The following PLXNA1 variants were observed in gnomAD, a reference collection of about 807,000 sequenced individuals.
PLXNA1 encodes the protein plexin-A1.
PLXNA1 carries 77 observed loss-of-function variants against 191.7 expected under a neutral mutation model. That is an observed-to-expected ratio of 0.40 (90% CI 0.33 to 0.49). PLXNA1 has a LOEUF of 0.49. Among genes scored for constraint, PLXNA1 ranks in the 20% least tolerant of loss-of-function variants. The pLI, the probability that PLXNA1 is intolerant of heterozygous loss-of-function variation, is 0.63. For missense variants in PLXNA1, 2,110 were observed against 2,660.2 expected (o/e 0.79, Z 4.55); for synonymous variants, 1,137 against 1,156.4 (o/e 0.98, Z 0.34).
chr3:127,008,190 G>T (rs954420016), intron 9 of PLXNA1, among the ~76,000 whole-genome samples: 2 of 152,202 alleles, frequency 1.3e-5, no homozygotes, highest in Non-Finnish European at 2.9e-5. Flanking sequence ...AGGGGGAAAA[G>T]CCTCAGATGA....
At chr3:126,995,122 G>T (rs6763091) in intron 3 of PLXNA1, among the ~76,000 whole-genome samples, 21,660 of 152,244 alleles carry the variant, frequency 0.14, 1,832 homozygotes, top group African/African-American at 0.22. Flanking sequence ...CAAACTGTTG[G>T]GGTGTGAAAT....
At chr3:127,024,266 C>G (rs2079166698) in intron 23 of PLXNA1, among the ~76,000 whole-genome samples, 1 of 152,190 alleles carries the variant, frequency 6.6e-6, no homozygotes, top group Admixed American at 6.5e-5. Flanking sequence ...TGTGGATTCT[C>G]TTTCATGCCA....
intron 8 of PLXNA1, among the ~76,000 whole-genome samples, chr3:127,007,576 G>A (rs890957142): frequency 1.3e-5 from 2 of 152,170 alleles, no homozygotes; most frequent in African/African-American, 4.8e-5. Flanking sequence ...AGGCAAGAAG[G>A]TGGGGAGGCA....
At chr3:127,030,618 C>T (rs2079204607) in intron 29 of PLXNA1, among the ~76,000 whole-genome samples, 1 of 152,244 alleles carries the variant, frequency 6.6e-6, no homozygotes, top group African/African-American at 2.4e-5. Flanking sequence ...GCCCTCTGCT[C>T]CAGCCGCTGA....
chr3:126,999,371 G>T (rs1176349641), intron 3 of PLXNA1, among the ~76,000 whole-genome samples: 1 of 152,188 alleles, frequency 6.6e-6, no homozygotes, highest in Non-Finnish European at 1.5e-5. Context: ...CAGCCCTGGG[G>T]CCCGGAGGCA....
chr3:126,995,054 G>C (rs1249206172), intron 3 of PLXNA1, among the ~76,000 whole-genome samples: 1 of 152,138 alleles, frequency 6.6e-6, no homozygotes, highest in African/African-American at 2.4e-5. Context: ...TCTTTTCCGG[G>C]CTTTAAAAAG....
rs939047308 is a variant in PLXNA1 at position 127,022,414 on chromosome 3, G to T, written c.4295+73G>T. 12 of 1,543,960 alleles carry T rather than the reference G, an allele frequency of 7.8e-6. No homozygotes were observed. In the African/African-American group the frequency reaches 1.6e-4, roughly 21 times the overall value. ...AGCTTTGGACAGGTTGGTCTAGCAGGCCCAGAGACGTTGCTGTGGCAGTTC... is the reference window on the plus strand; with the variant it reads ...AGCTTTGGACAGGTTGGTCTAGCAGTCCCAGAGACGTTGCTGTGGCAGTTC... On this transcript the variant is annotated intron_variant, in intron 22 of 31. Coordinates refer to ENST00000393409, the MANE Select transcript of PLXNA1 (RefSeq NM_032242.4).
intron 9 of PLXNA1, among the ~76,000 whole-genome samples, chr3:127,010,173 G>A (rs1266676882): frequency 6.6e-6 from 1 of 152,230 alleles, no homozygotes; most frequent in East Asian, 1.9e-4. Flanking sequence ...TGGGGAGAAG[G>A]TTGTAATCGG....
chr3:127,001,768 T>G (rs2079041940), intron 3 of PLXNA1, among the ~76,000 whole-genome samples: 1 of 152,186 alleles, frequency 6.6e-6, no homozygotes, highest in South Asian at 2.1e-4. Flanking sequence ...GTCCCCCTGC[T>G]CCCGCCTGGC....
At position 127,028,053 on chromosome 3, in the gene PLXNA1, G is replaced by A; in HGVS notation, c.4476G>A (p.Lys1492=). ...GEARYSLSED[K]LIRQQIDYKT... Reference sequence around the variant, plus strand: ...CACGCTACTCCCTGAGTGAGGACAAGCTCATCCGGCAGCAGATTGACTACA... The same window carrying A: ...CACGCTACTCCCTGAGTGAGGACAAACTCATCCGGCAGCAGATTGACTACA... The change falls in exon 24 of 32, where the codon AAG becomes AAA. Residue 1492 remains lysine, a synonymous_variant. Coordinates refer to ENST00000393409, the MANE Select transcript of PLXNA1 (RefSeq NM_032242.4). The A allele has an allele frequency of 1.9e-6, 3 of 1,614,056 alleles. No homozygotes were observed. Among genetic ancestry groups the A allele is most frequent in the Non-Finnish European group, 2.5e-6 (3 of 1,180,008 alleles).
chr3:127,013,896 A>G lies in PLXNA1; in HGVS notation c.2314-124A>G, dbSNP rs1576681600. 5 of 802,750 alleles carry G rather than the reference A, an allele frequency of 6.2e-6. No homozygotes were observed. The East Asian group carries it at 1.2e-4, about 20-fold the overall frequency. 49.7% of individuals were successfully genotyped at this position (802,750 alleles called of 1,614,324 possible). A position where few individuals can be genotyped will look rare whatever the true frequency, so the allele number is the denominator to read the frequency against. ...AGTCCTGTGTAGGATGAGGGTGGAG[A>G]GGGAGCGGTTGTGGCTGCAGAAACT... On this transcript the variant is annotated intron_variant, in intron 10 of 31. Transcript: ENST00000393409.
intron 10 of PLXNA1, 105 bp from the exon 11 acceptor site, chr3:127,013,915 A>G: frequency 4.0e-6 from 4 of 988,576 alleles, no homozygotes; most frequent in Non-Finnish European, 3.3e-6. Flanking sequence ...TTGTGGCTGC[A>G]GAAACTTCCC....
chr3:126,998,022 G>A (rs1298104346), intron 3 of PLXNA1, among the ~76,000 whole-genome samples: 1 of 152,206 alleles, frequency 6.6e-6, no homozygotes, highest in Non-Finnish European at 1.5e-5. Flanking sequence ...CAGAGACCAC[G>A]ATGTAGGAGG....
At position 127,037,123 on chromosome 3, in the gene PLXNA1, A is replaced by G. The variant is rs1158344152; in HGVS notation, c.*3106A>G. 1 of 152,548 alleles carries G rather than the reference A, an allele frequency of 6.6e-6. No individual in the cohort carries two copies. Among genetic ancestry groups the G allele is most frequent in the Non-Finnish European group, 1.5e-5 (1 of 68,038 alleles). The allele number at this position is 152,548 out of a possible 1,614,324, so 9.4% of individuals were successfully genotyped here. On this transcript the variant is annotated 3_prime_UTR_variant, in exon 32 of 32. Transcript: ENST00000393409. Reference sequence around the variant, plus strand: ...TTGGTGCTACACAGCTAGAATAGATATATTTAGAGAGAGAGATATTTTTAA... The same window carrying G: ...TTGGTGCTACACAGCTAGAATAGATGTATTTAGAGAGAGAGATATTTTTAA...
chr3:127,008,104 G>T (rs1004626147), intron 9 of PLXNA1, among the ~76,000 whole-genome samples, 191 bp downstream of exon 9: 1 of 152,174 alleles, frequency 6.6e-6, no homozygotes. Context: ...GAGGCCTGTG[G>T]GGTCACTGTC....
chr3:127,009,583 G>T (rs542431470), intron 9 of PLXNA1, among the ~76,000 whole-genome samples: 1 of 99,576 alleles, frequency 1.0e-5, no homozygotes, highest in Non-Finnish European at 1.9e-5. Flanking sequence ...CCCTCTTTCC[G>T]TCTCTGTTTC....
Position 127,014,552 on chromosome 3 carries a change from C to G in PLXNA1, c.2679C>G (p.Phe893Leu), listed in dbSNP as rs754485822. ...CAGGCGAGAACCTGGGCCTGCGATT[C>G]GAAGACGTGCGTCTGGGCGTGCGCG... ...TITGENLGLRFEDVRLGVRVG... is the reference protein window; with the variant it reads ...TITGENLGLRLEDVRLGVRVG... Residue 893 changes from phenylalanine to leucine, a missense_variant, in exon 13 of 32, where the codon TTC (phenylalanine) becomes TTG (leucine). By Grantham distance (22) the Phe-to-Leu change is conservative. This residue lies in a region of PLXNA1 where 644 missense variants were observed against 714.3 expected (regional missense o/e 0.90). Coordinates refer to ENST00000393409, the MANE Select transcript of PLXNA1 (RefSeq NM_032242.4). The G allele has an allele frequency of 1.9e-6, 3 of 1,612,156 alleles. No homozygotes were observed. The highest frequency in any genetic ancestry group is 2.5e-6 in the Non-Finnish European group (3 of 1,179,856).
In PLXNA1 at chr3:127,036,625, CTG is replaced by C. The variant is rs1387092993; in HGVS notation, c.*2611_*2612del. 2 of 152,392 alleles carry C rather than the reference CTG, an allele frequency of 1.3e-5. No individual in the cohort carries two copies. The highest frequency in any genetic ancestry group is 6.5e-5 in the Admixed American group (1 of 15,280). 9.4% of individuals were successfully genotyped at this position (152,392 alleles called of 1,614,324 possible). A position where few individuals can be genotyped will look rare whatever the true frequency, so the allele number is the denominator to read the frequency against. ...TCACTGGTTCCCACTGTGCTCCTAA[CTG>C]TGCAGCACCTGGGAGCTCTGGCCTG... On this transcript the variant is annotated 3_prime_UTR_variant, in exon 32 of 32. Transcript: ENST00000393409.
At chr3:126,987,986 G>A (rs1276435566) in intron 1 of PLXNA1, among the ~76,000 whole-genome samples, 2 of 152,162 alleles carry the variant, frequency 1.3e-5, no homozygotes, top group African/African-American at 4.8e-5. Flanking sequence ...CGTGTTCGGG[G>A]GAGAGGCAGG....
Sources: allele counts gnomAD v4.1 joint callset (sites outside exome capture counted in the v4.1 genomes callset), GRCh38; gene constraint gnomAD v4.1.1; regional missense constraint gnomAD v4.1.1; transcripts MANE v1.5; gene names NCBI Gene and HGNC (gene_info 2026-07-23, HGNC 2026-07-21).